Variants in CADPS2 observed in about 807,000 individuals in gnomAD.
CADPS2 encodes the protein calcium-dependent secretion activator 2.
CADPS2 carries 93 observed loss-of-function variants against 172.5 expected under a neutral mutation model. The observed-to-expected ratio is 0.54, with a 90% CI of 0.46 to 0.64. The LOEUF (loss-of-function observed/expected upper bound fraction) is 0.64. CADPS2 is among the 30% of genes least tolerant of loss of function. The pLI is 0.00. For missense variants in CADPS2, 1,420 were observed against 1,565.9 expected (o/e 0.91, Z 1.57); for synonymous variants, 546 against 555.2 (o/e 0.98, Z 0.23).
intron 12 of CADPS2, among the ~76,000 whole-genome samples, chr7:122,477,875 T>C (rs543723568): frequency 8.5e-5 from 13 of 152,292 alleles, no homozygotes; most frequent in African/African-American, 3.1e-4. Flanking sequence ...ATTAGATCTC[T>C]AGACTTGTTC....
chr7:122,609,241 A>G (rs1234134851), intron 6 of CADPS2, among the ~76,000 whole-genome samples: 1 of 152,124 alleles, frequency 6.6e-6, no homozygotes, highest in African/African-American at 2.4e-5. Context: ...TAGGACTACT[A>G]TATGAAAATA....
At chr7:122,449,137 T>C (rs2052704264) in intron 15 of CADPS2, among the ~76,000 whole-genome samples, 1 of 152,172 alleles carries the variant, frequency 6.6e-6, no homozygotes, top group African/African-American at 2.4e-5. Context: ...AGGATTTCTA[T>C]TGCTTGCAGT....
At chr7:122,509,053 C>G (rs537500564) in intron 9 of CADPS2, among the ~76,000 whole-genome samples, 19 of 152,288 alleles carry the variant, frequency 1.2e-4, no homozygotes, top group Admixed American at 6.5e-4. Context: ...TTCACTTTAT[C>G]TTACTGCCAT....
chr7:122,671,480 G>C (rs75625328), intron 2 of CADPS2, among the ~76,000 whole-genome samples: 1,989 of 152,292 alleles, frequency 0.013, 46 homozygotes, highest in African/African-American at 0.046. Flanking sequence ...TGAAATCGCA[G>C]CACTTTGGGA....
intron 2 of CADPS2, among the ~76,000 whole-genome samples, chr7:122,718,488 A>G (rs2109966): frequency 1 from 152,184 of 152,184 alleles, 76,092 homozygotes; most frequent in Non-Finnish European, 1. Context: ...AGGACAGGAA[A>G]AGTTCAGATA....
chr7:122,770,875 G>A (rs1320266863), intron 1 of CADPS2, among the ~76,000 whole-genome samples: 3 of 152,194 alleles, frequency 2.0e-5, no homozygotes, highest in South Asian at 2.1e-4. Flanking sequence ...GCTTTAAGGC[G>A]TCAAGTGACG....
intron 3 of CADPS2, among the ~76,000 whole-genome samples, chr7:122,647,377 A>G (rs1588114156): frequency 6.6e-6 from 1 of 152,208 alleles, no homozygotes; most frequent in East Asian, 1.9e-4. Context: ...TTGTTCATAG[A>G]CTGAGATTTA....
intron 9 of CADPS2, among the ~76,000 whole-genome samples, chr7:122,506,897 CAG>C (rs2059651286): frequency 6.6e-6 from 1 of 152,038 alleles, no homozygotes; most frequent in Non-Finnish European, 1.5e-5. Flanking sequence ...AAAGAAAAGT[CAG>C]TCTTTTCAGA....
intron 2 of CADPS2, among the ~76,000 whole-genome samples, chr7:122,679,136 T>C (rs1184970837): frequency 6.8e-6 from 1 of 147,648 alleles, no homozygotes; most frequent in Non-Finnish European, 1.5e-5. Context: ...AAAGTCTGGC[T>C]GCCTGTGGGC....
intron 20 of CADPS2, among the ~76,000 whole-genome samples, chr7:122,401,496 T>C (rs1196069845): frequency 6.6e-6 from 1 of 152,218 alleles, no homozygotes; most frequent in African/African-American, 2.4e-5. Flanking sequence ...TTGTCAGAAG[T>C]GGTCACTTGC....
At chr7:122,775,751 T>C (rs569465278) in intron 1 of CADPS2, among the ~76,000 whole-genome samples, 12 of 152,208 alleles carry the variant, frequency 7.9e-5, no homozygotes, top group South Asian at 2.1e-4. Context: ...CTGGATTGTA[T>C]TGATGTTAGA....
intron 1 of CADPS2, among the ~76,000 whole-genome samples, chr7:122,744,669 TG>T (rs1190092908): frequency 6.6e-6 from 1 of 152,170 alleles, no homozygotes; most frequent in East Asian, 1.9e-4. Context: ...CATATTAATA[TG>T]TTTTATAATA....
intron 1 of CADPS2, among the ~76,000 whole-genome samples, chr7:122,739,087 C>T (rs1223941200): frequency 6.6e-6 from 1 of 152,114 alleles, no homozygotes; most frequent in African/African-American, 2.4e-5. Context: ...GCTCTCTAGG[C>T]ATGATTCACA....
intron 1 of CADPS2, among the ~76,000 whole-genome samples, chr7:122,832,496 A>G (rs943891068): frequency 6.6e-6 from 1 of 152,196 alleles, no homozygotes; most frequent in African/African-American, 2.4e-5. Context: ...ATTTGGAGAT[A>G]TAAGCGCATA....
rs1385870085 is a variant in CADPS2, at chr7:122,599,035, A to C, written c.1223+16146T>G. On this transcript the variant is annotated intron_variant, in intron 6 of 29. Transcript: ENST00000449022. ...ATGCTAAACTGGAGCCTTCAAGGAA[A>C]AGTAAAGGGAAAGTAGTTAGGTGCA... Among the ~76,000 whole-genome samples, 4 of 152,210 alleles carry C rather than the reference A, an allele frequency of 2.6e-5. No individual in the cohort carries two copies. The East Asian group carries it at 5.8e-4, about 22-fold the overall frequency.
At chr7:122,546,204 A>C (rs2063600038) in intron 8 of CADPS2, among the ~76,000 whole-genome samples, 1 of 152,176 alleles carries the variant, frequency 6.6e-6, no homozygotes, top group Non-Finnish European at 1.5e-5. Flanking sequence ...ACGCTAAAGC[A>C]AGTTCATTGT....
In CADPS2 at chr7:122,319,493, G is replaced by GGATT. The variant is rs1222374194; in HGVS notation, c.*668_*671dup. ...AGCACACTTGCTACCCCACACCTGG[G>GGATT]GATTACTTATAGTTGAAAGAAGAAA... On this transcript the variant is annotated 3_prime_UTR_variant, in exon 30 of 30. Transcript: ENST00000449022. 6.6e-6 allele frequency: 1 copy of GGATT among 152,004 alleles called. No individual in the cohort carries two copies. The highest frequency in any genetic ancestry group is 2.4e-5 in the African/African-American group (1 of 41,368). The allele number at this position is 152,004 out of a possible 1,614,324, so 9.4% of individuals were successfully genotyped here. A position where few individuals can be genotyped will look rare whatever the true frequency, so the allele number is the denominator to read the frequency against.
chr7:122,394,188 C>T (rs2044763226), intron 20 of CADPS2, among the ~76,000 whole-genome samples: 1 of 151,974 alleles, frequency 6.6e-6, no homozygotes, highest in Non-Finnish European at 1.5e-5. Flanking sequence ...TTTAGTTTTC[C>T]ATTTGTCTTT....
At chr7:122,362,424 AGGG>A (rs1209316030) in intron 25 of CADPS2, among the ~76,000 whole-genome samples, 5 of 151,970 alleles carry the variant, frequency 3.3e-5, no homozygotes, top group African/African-American at 1.2e-4. Context: ...GACTAGGGTG[AGGG>A]GGGTAGGATG....
Sources: allele counts gnomAD v4.1 joint callset (sites outside exome capture counted in the v4.1 genomes callset), GRCh38; gene constraint gnomAD v4.1.1; transcripts MANE v1.5; gene names NCBI Gene and HGNC (gene_info 2026-07-23, HGNC 2026-07-21).